The following PGM5 variants were observed in gnomAD, a reference collection of about 807,000 sequenced individuals.
The protein encoded by PGM5 is phosphoglucomutase-like protein 5.
Under a neutral mutation model 59.2 loss-of-function variants are expected in PGM5, and 23 were observed. The observed-to-expected ratio is 0.39, with a 90% CI of 0.28 to 0.55. The LOEUF is 0.55. Ranked by LOEUF, PGM5 falls within the 20% of genes least tolerant of loss-of-function variation. The pLI, the probability that PGM5 is intolerant of heterozygous loss-of-function variation, is 0.66. For missense variants in PGM5, 574 were observed against 748.3 expected (o/e 0.77, Z 2.72); for synonymous variants, 214 against 286.0 (o/e 0.75, Z 2.54).
chr9:68,379,038 T>G lies in PGM5; in HGVS notation c.424+677T>G, dbSNP rs1160395236. ...AAGCAAATTATAGCACGAGAACATT[T>G]CACACCCAAATATTTTTGTATGCAT... On this transcript the variant is annotated intron_variant, in intron 2 of 10. Coordinates refer to ENST00000396396, the MANE Select transcript of PGM5 (RefSeq NM_021965.4). Among the ~76,000 whole-genome samples the G allele has an allele frequency of 4.6e-5, 7 of 152,336 alleles. No individual in the cohort carries two copies. The South Asian group carries it at 1.4e-3, about 32-fold the overall frequency.
At chr9:68,380,085 T>C (rs1191832873) in intron 2 of PGM5, among the ~76,000 whole-genome samples, 1 of 151,750 alleles carries the variant, frequency 6.6e-6, no homozygotes, top group Non-Finnish European at 1.5e-5. Context: ...AAATTTGAAC[T>C]ATACTTCAGA....
intron 10 of PGM5, among the ~76,000 whole-genome samples, chr9:68,510,327 A>C (rs1018736381): frequency 6.6e-6 from 1 of 151,680 alleles, no homozygotes; most frequent in Admixed American, 6.6e-5. Context: ...AAATTTTTGT[A>C]TTTTTAGTAG....
intron 6 of PGM5, among the ~76,000 whole-genome samples, chr9:68,401,568 A>G (rs1215487830): frequency 3.3e-5 from 5 of 151,632 alleles, no homozygotes; most frequent in Non-Finnish European, 7.4e-5. Flanking sequence ...GCCCTGTCTG[A>G]TTAGGGATTC....
intron 10 of PGM5, among the ~76,000 whole-genome samples, chr9:68,507,396 C>T (rs181624084): frequency 2.0e-5 from 3 of 152,292 alleles, no homozygotes; most frequent in East Asian, 3.9e-4. Flanking sequence ...AAGGGATTCA[C>T]GTTGACTGTT....
intron 7 of PGM5, 44 bp from the exon 8 acceptor site, chr9:68,479,374 C>T: frequency 2.6e-6 from 4 of 1,567,816 alleles, no homozygotes; most frequent in Non-Finnish European, 2.6e-6. Context: ...TTTTGCTTTG[C>T]TCCCACAAAT....
At chr9:68,397,121 GCTTTGT>G (rs1822528871) in intron 6 of PGM5, 1 of 152,698 alleles carries the variant, frequency 6.5e-6, no homozygotes, top group South Asian at 2.1e-4. Flanking sequence ...TTCTTTTGGG[GCTTTGT>G]CATTCTGAAT....
In PGM5 at chr9:68,437,761, T is replaced by C. The variant is rs539559303; in HGVS notation, c.1044-27332T>C. Among the ~76,000 whole-genome samples the C allele has an allele frequency of 3.3e-4, 51 of 152,314 alleles. No individual in the cohort carries two copies. The highest frequency in any genetic ancestry group is 1.1e-3 in the African/African-American group (46 of 41,574). On this transcript the variant is annotated intron_variant, in intron 6 of 10. Transcript: ENST00000396396. This position sits in a 1 kb window ranked among gnomAD's most constrained non-coding sequence, Gnocchi z 4.1. ...CCTTTAAAAATGGGGATATTTCATATAAAAATCCAAGTTGTTGTGGTATTA... is the reference window on the plus strand; with the variant it reads ...CCTTTAAAAATGGGGATATTTCATACAAAAATCCAAGTTGTTGTGGTATTA...
intron 1 of PGM5, among the ~76,000 whole-genome samples, chr9:68,377,372 A>G (rs1212941314): frequency 1.3e-5 from 2 of 152,190 alleles, no homozygotes; most frequent in Non-Finnish European, 2.9e-5. Context: ...TCAACCCCAG[A>G]GATTGCAATA....
intron 6 of PGM5, among the ~76,000 whole-genome samples, chr9:68,422,044 T>C (rs1823139221): frequency 6.6e-6 from 1 of 151,972 alleles, no homozygotes; most frequent in Non-Finnish European, 1.5e-5. Flanking sequence ...ATCATAAATA[T>C]TTATGTATTG....
intron 6 of PGM5, among the ~76,000 whole-genome samples, chr9:68,459,495 A>G (rs1473180534): frequency 6.6e-6 from 1 of 152,192 alleles, no homozygotes; most frequent in East Asian, 1.9e-4. Flanking sequence ...ACTCAATGTT[A>G]TGAGTATGAC....
intron 10 of PGM5, among the ~76,000 whole-genome samples, chr9:68,501,113 C>G (rs1390197321): frequency 1.3e-5 from 2 of 152,192 alleles, no homozygotes; most frequent in African/African-American, 4.8e-5. Flanking sequence ...GAATTTGCCA[C>G]TTTGAAGGGT....
chr9:68,379,177 C>T (rs1822001734), intron 2 of PGM5, among the ~76,000 whole-genome samples: 1 of 152,090 alleles, frequency 6.6e-6, no homozygotes, highest in African/African-American at 2.4e-5. Context: ...TTTCAATAAT[C>T]CCCAAAATAT....
chr9:68,381,636 ACATG>A (rs1193003694), intron 2 of PGM5, among the ~76,000 whole-genome samples: 97 of 142,936 alleles, frequency 6.8e-4, no homozygotes, highest in East Asian at 3.2e-3. Context: ...AAGATTCTAC[ACATG>A]CACACACACA....
Position 68,465,178 on chromosome 9 carries a change from A to G in PGM5, c.1129A>G (p.Asn377Asp). ...FSNLMDSGRC[N>D]LCGEESFGTG... The stretch of plus-strand genomic sequence containing the variant: ...AAATCTGATGGACTCAGGACGTTGC[A>G]ATCTGTGTGGGGAAGAGAGCTTTGG... The change falls in exon 7 of 11, where the codon AAT becomes GAT. Residue 377 changes from asparagine (N) to aspartate (D), a missense_variant. Transcript: ENST00000396396. 2 of 1,613,004 alleles carry G rather than the reference A, an allele frequency of 1.2e-6. No individual in the cohort carries two copies. The highest frequency in any genetic ancestry group is 8.5e-7 in the Non-Finnish European group (1 of 1,179,094).
chr9:68,527,044 C>T (rs1028734448), intron 10 of PGM5, among the ~76,000 whole-genome samples: 1 of 152,116 alleles, frequency 6.6e-6, no homozygotes, highest in Non-Finnish European at 1.5e-5. Context: ...TAGTGAGCTA[C>T]GGACGTGAGT....
At chr9:68,485,357 C>A (rs1220344376) in intron 9 of PGM5, among the ~76,000 whole-genome samples, 1 of 152,114 alleles carries the variant, frequency 6.6e-6, no homozygotes, top group Non-Finnish European at 1.5e-5. Context: ...TCATCTTGAA[C>A]TGTAGCTCCC....
chr9:68,372,829 G>A (rs1821775497), intron 1 of PGM5, among the ~76,000 whole-genome samples: 1 of 152,020 alleles, frequency 6.6e-6, no homozygotes, highest in African/African-American at 2.4e-5. Flanking sequence ...GTGGGAGCAA[G>A]AGAACAAAAG....
At chr9:68,423,684 C>T (rs1178508495) in intron 6 of PGM5, among the ~76,000 whole-genome samples, 1 of 138,614 alleles carries the variant, frequency 7.2e-6, no homozygotes, top group African/African-American at 3.0e-5. Context: ...TCTCTCTCTG[C>T]CTCCCTCTTT....
At chr9:68,495,005 T>C (rs2132101903) in intron 9 of PGM5, among the ~76,000 whole-genome samples, 1 of 152,220 alleles carries the variant, frequency 6.6e-6, no homozygotes, top group East Asian at 1.9e-4. Flanking sequence ...TCAACAAGTG[T>C]TTATGGAAGG....
Sources: allele counts gnomAD v4.1 joint callset (sites outside exome capture counted in the v4.1 genomes callset), GRCh38; gene constraint gnomAD v4.1.1; non-coding constraint Gnocchi (gnomAD v3.1); transcripts MANE v1.5; gene names NCBI Gene and HGNC (gene_info 2026-07-23, HGNC 2026-07-21).